SPRR2B: variants seen among roughly 807,000 people sequenced by gnomAD.
SPRR2B encodes the protein small proline-rich protein 2B.
A neutral mutation model predicts 1.0 loss-of-function variants in SPRR2B; 1 was observed. The ratio of observed to expected loss-of-function variants is 1.01; its 90% CI spans 0.36 to 4.77. The LOEUF (loss-of-function observed/expected upper bound fraction) is 4.77, where lower values mean the gene tolerates loss of function less well. SPRR2B is among the 30% of genes most tolerant of loss of function. The pLI is 0.16. For synonymous variants in SPRR2B, 27 were observed against 33.4 expected (o/e 0.81, Z 0.66); for missense variants, 53 against 88.7 (o/e 0.60, Z 1.62).
the SPRR2B span, among the ~76,000 whole-genome samples, chr1:153,079,134 C>T: frequency 8.1e-4 from 123 of 152,202 alleles, no homozygotes; most frequent in Middle Eastern, 3.4e-3. Flanking sequence ...CATTTTTTCA[C>T]GTGTCTTTTG....
the SPRR2B span, among the ~76,000 whole-genome samples, chr1:153,084,155 A>T: frequency 6.6e-6 from 1 of 152,146 alleles, no homozygotes; most frequent in African/African-American, 2.4e-5. Context: ...GTGGTCACCC[A>T]CCAGCCCATC....
At chr1:153,082,369 T>G in the SPRR2B span, among the ~76,000 whole-genome samples, 46 of 152,264 alleles carry the variant, frequency 3.0e-4, no homozygotes, top group African/African-American at 1.1e-3. Flanking sequence ...AATTTAAATA[T>G]AGAACACTCC....
rs555008451 is a variant in SPRR2B at position 153,071,499 on chromosome 1, A to G, written c.-20+70T>C. On this transcript the variant is annotated intron_variant, in intron 1 of 1. Transcript: ENST00000368755. ...CATGATCATAGGTTTGAATACACCA[A>G]ACTTGCTGGATTCAAATTAAATTCA... Among the ~76,000 whole-genome samples the G allele has an allele frequency of 2.0e-5, 3 of 152,292 alleles. No individual in the cohort carries two copies. The East Asian group carries it at 5.8e-4, about 29-fold the overall frequency.
the SPRR2B span, among the ~76,000 whole-genome samples, chr1:153,081,315 C>G: frequency 1.1e-4 from 16 of 152,152 alleles, no homozygotes; most frequent in Non-Finnish European, 2.1e-4. Flanking sequence ...GAAAATGAAT[C>G]ATGATATCTA....
chr1:153,087,250 A>C, the SPRR2B span, among the ~76,000 whole-genome samples: 13 of 152,262 alleles, frequency 8.5e-5, no homozygotes, highest in African/African-American at 3.1e-4. Context: ...ACTGCAATCC[A>C]GCCTGGGCAA....
the SPRR2B span, among the ~76,000 whole-genome samples, chr1:153,079,826 T>G: frequency 6.6e-6 from 1 of 152,070 alleles, no homozygotes; most frequent in Non-Finnish European, 1.5e-5. Context: ...TCTTTTGGCT[T>G]AGGATTGACT....
the SPRR2B span, among the ~76,000 whole-genome samples, chr1:153,077,635 T>C: frequency 2.0e-5 from 3 of 151,946 alleles, no homozygotes; most frequent in South Asian, 4.1e-4. Context: ...TTTTTTTTTT[T>C]CGACACAGTC....
At chr1:153,084,585 A>C in the SPRR2B span, among the ~76,000 whole-genome samples, 167 of 152,258 alleles carry the variant, frequency 1.1e-3, no homozygotes, top group South Asian at 2.3e-3. Flanking sequence ...GGGACCTCCT[A>C]TGCCCTCAAG....
chr1:153,074,657 CAT>C (rs766755050), upstream of SPRR2B, among the ~76,000 whole-genome samples: 26 of 152,126 alleles, frequency 1.7e-4, no homozygotes, highest in Non-Finnish European at 3.4e-4. Flanking sequence ...AGATAGGAAA[CAT>C]ATGAAACAAT....
chr1:153,073,169 G>A (rs1427031420), upstream of SPRR2B, among the ~76,000 whole-genome samples: 1 of 152,140 alleles, frequency 6.6e-6, no homozygotes, highest in African/African-American at 2.4e-5. Flanking sequence ...GATCACCATG[G>A]CCAGACACTA....
At chr1:153,084,875 C>CG in the SPRR2B span, among the ~76,000 whole-genome samples, 1 of 152,184 alleles carries the variant, frequency 6.6e-6, no homozygotes. Context: ...AAGCCTGACA[C>CG]ACTTCCCTCA....
upstream of SPRR2B, among the ~76,000 whole-genome samples, chr1:153,075,967 TA>T (rs1048386630): frequency 5.3e-5 from 8 of 151,956 alleles, no homozygotes; most frequent in African/African-American, 1.4e-4. Context: ...ATTCAGATAA[TA>T]AAAAAAAGTC....
At chr1:153,087,469 TC>T in the SPRR2B span, among the ~76,000 whole-genome samples, 1 of 151,914 alleles carries the variant, frequency 6.6e-6, no homozygotes, top group Non-Finnish European at 1.5e-5. Context: ...AGGAGGTGGT[TC>T]TTGAGAAAAA....
chr1:153,077,550 A>G, the SPRR2B span, among the ~76,000 whole-genome samples: 1 of 152,118 alleles, frequency 6.6e-6, no homozygotes, highest in South Asian at 2.1e-4. Flanking sequence ...CTCACGATGT[A>G]TAGAGATGTA....
chr1:153,079,690 T>A, the SPRR2B span, among the ~76,000 whole-genome samples: 118 of 152,270 alleles, frequency 7.7e-4, no homozygotes, highest in Middle Eastern at 3.4e-3. Context: ...TGCAGCATTA[T>A]TTCTGAGGGC....
chr1:153,086,739 A>G, the SPRR2B span, among the ~76,000 whole-genome samples: 203 of 152,358 alleles, frequency 1.3e-3, 6 homozygotes, highest in East Asian at 0.038. Flanking sequence ...ACTTGCTAAT[A>G]ATCTACAACT....
At chr1:153,081,216 C>A in the SPRR2B span, among the ~76,000 whole-genome samples, 109 of 152,112 alleles carry the variant, frequency 7.2e-4, 1 homozygote, top group African/African-American at 2.5e-3. Context: ...TCTAAGAAAT[C>A]CTTAAGAATC....
chr1:153,086,391 A>G, the SPRR2B span, among the ~76,000 whole-genome samples: 5 of 152,192 alleles, frequency 3.3e-5, no homozygotes, highest in African/African-American at 4.8e-5. Context: ...ATTTCAGTCA[A>G]AAGAGACATT....
the SPRR2B span, among the ~76,000 whole-genome samples, chr1:153,078,410 C>A: frequency 3.3e-5 from 5 of 152,154 alleles, no homozygotes; most frequent in Non-Finnish European, 5.9e-5. Flanking sequence ...ATGTGCACAA[C>A]GTGCAGGTTA....
Sources: gnomAD v4.1 joint callset for allele counts (sites outside exome capture counted in the v4.1 genomes callset) on GRCh38, gnomAD v4.1.1 for gene constraint, MANE v1.5 for transcripts, NCBI Gene and HGNC (gene_info 2026-07-23, HGNC 2026-07-21) for gene names.